Variants in SERPINB8 observed in about 807,000 individuals in gnomAD.
The protein encoded by SERPINB8 is serpin B8.
SERPINB8 carries 25 observed loss-of-function variants against 35.3 expected under a neutral mutation model. The observed-to-expected ratio is 0.71, with a 90% CI of 0.52 to 0.99. SERPINB8 has a LOEUF of 0.99. Ranked by LOEUF, SERPINB8 falls within the 50% of genes least tolerant of loss-of-function variation. The pLI is 0.00. For synonymous variants in SERPINB8, 186 were observed against 160.8 expected (o/e 1.16, Z -1.19); for missense variants, 484 against 446.5 (o/e 1.08, Z -0.76).
At chr18:63,992,901 C>T (rs1373928308), downstream of SERPINB8, among the ~76,000 whole-genome samples, 1 of 152,172 alleles carries the variant, frequency 6.6e-6, no homozygotes, top group Non-Finnish European at 1.5e-5. Flanking sequence ...AGGCTTGTGA[C>T]ACTGCATCCT....
chr18:63,979,458 G>C (rs1399775383), intron 2 of SERPINB8, among the ~76,000 whole-genome samples: 1 of 152,254 alleles, frequency 6.6e-6, no homozygotes, highest in East Asian at 1.9e-4. Flanking sequence ...TCACCTGGTG[G>C]GTGGGAGGTA....
At chr18:63,977,361 C>T (rs571282953) in intron 1 of SERPINB8, among the ~76,000 whole-genome samples, 4 of 151,648 alleles carry the variant, frequency 2.6e-5, no homozygotes, top group Admixed American at 6.6e-5. Context: ...GAGTCTCACT[C>T]TGTTGCCCAG....
chr18:63,997,323 A>G (rs551880443), intron 1 of SERPINB8, among the ~76,000 whole-genome samples: 1 of 152,304 alleles, frequency 6.6e-6, no homozygotes, highest in Non-Finnish European at 1.5e-5. Context: ...GTGGCTTAAG[A>G]GTATTCTCTA....
chr18:64,006,499 C>T (rs55718736), downstream of SERPINB8, among the ~76,000 whole-genome samples: 10,073 of 152,162 alleles, frequency 0.066, 471 homozygotes, highest in Non-Finnish European at 0.11. Context: ...TGGCAGCTGT[C>T]CACAACCCAG....
chr18:63,982,684 C>A (rs754733132), intron 4 of SERPINB8, among the ~76,000 whole-genome samples: 1 of 152,138 alleles, frequency 6.6e-6, no homozygotes, highest in South Asian at 2.1e-4. Flanking sequence ...GTGGTCTTTC[C>A]AGTTGTTCAA....
intron 1 of SERPINB8, among the ~76,000 whole-genome samples, chr18:63,972,609 G>T (rs1479013574): frequency 6.6e-6 from 1 of 152,056 alleles, no homozygotes; most frequent in Non-Finnish European, 1.5e-5. Flanking sequence ...TTTACATTAG[G>T]TATTTCTCCT....
At chr18:63,976,623 G>C (rs72945610) in intron 1 of SERPINB8, among the ~76,000 whole-genome samples, 3 of 152,248 alleles carry the variant, frequency 2.0e-5, no homozygotes, top group Non-Finnish European at 4.4e-5. Context: ...AATGCTTTAA[G>C]AAAAAGGAAG....
At chr18:63,974,708 T>A (rs1599130955) in intron 1 of SERPINB8, among the ~76,000 whole-genome samples, 1 of 138,044 alleles carries the variant, frequency 7.2e-6, no homozygotes, top group East Asian at 2.0e-4. Context: ...GTCCATTTTG[T>A]TTAAAGTTCC....
chr18:63,987,273 C>G lies in SERPINB8; in HGVS notation c.1120C>G (p.Pro374Ala). The change falls in exon 7 of 7, where the codon CCG becomes GCG. Residue 374 changes from proline to alanine, a missense_variant. Pro to Ala is a conservative substitution (Grantham distance 27, BLOSUM62 -1). Transcript: ENST00000397985. ...CTTGTTCTGTGGCAGGTTCTCTTCT[C>G]CGTAAAGAGGAGCAATTGCTGTACA... The part of the protein sequence containing the change: ...CILFCGRFSS[P>A] 4 of 1,610,152 alleles carry G rather than the reference C, an allele frequency of 2.5e-6. No homozygotes were observed. Among genetic ancestry groups the G allele is most frequent in the Non-Finnish European group, 3.4e-6 (4 of 1,177,560 alleles).
chr18:63,970,276 G>A lies in SERPINB8; in HGVS notation c.-11+106G>A, dbSNP rs953655422. ...GCGTGAGAGAGGGGAAGGGAGGAAG[G>A]CCAGAGCAGGAATCAGAGCGAGGCA... On this transcript the variant is annotated intron_variant, in intron 1 of 6. Coordinates refer to ENST00000397985, the MANE Select transcript of SERPINB8 (RefSeq NM_002640.4). The A allele has an allele frequency of 2.3e-5, 4 of 177,108 alleles. No individual in the cohort carries two copies. The South Asian group carries it at 3.7e-4, about 17-fold the overall frequency. 11.0% of individuals were successfully genotyped at this position (177,108 alleles called of 1,614,324 possible).
chr18:63,995,472 T>C (rs2050844770), intron 1 of SERPINB8, among the ~76,000 whole-genome samples: 1 of 152,216 alleles, frequency 6.6e-6, no homozygotes. Context: ...CACCACCTGC[T>C]CTGTCTCTGG....
At chr18:63,973,389 T>A (rs2050525129) in intron 1 of SERPINB8, among the ~76,000 whole-genome samples, 1 of 152,218 alleles carries the variant, frequency 6.6e-6, no homozygotes, top group African/African-American at 2.4e-5. Context: ...TTCTGGATAT[T>A]AGCCCTTTGT....
chr18:64,010,944 C>CATAT (rs10540776), intron 7 of SERPINB8, among the ~76,000 whole-genome samples: 4 of 149,052 alleles, frequency 2.7e-5, no homozygotes, highest in Non-Finnish European at 4.5e-5. Flanking sequence ...TTACTATTAA[C>CATAT]ATATATATAT....
downstream of SERPINB8, among the ~76,000 whole-genome samples, chr18:63,992,973 A>G (rs1160623923): frequency 6.6e-6 from 1 of 152,218 alleles, no homozygotes; most frequent in African/African-American, 2.4e-5. Flanking sequence ...CCAGGGAGTG[A>G]TGACCCTCAG....
chr18:63,986,497 CT>C (rs1219828500), intron 6 of SERPINB8: 2 of 1,349,248 alleles, frequency 1.5e-6, no homozygotes, highest in Non-Finnish European at 1.9e-6. Context: ...TGCTCTTTGT[CT>C]TTTGTCAAAC....
At chr18:64,009,276 C>T (rs1398928602), downstream of SERPINB8, among the ~76,000 whole-genome samples, 1 of 152,156 alleles carries the variant, frequency 6.6e-6, no homozygotes, top group Non-Finnish European at 1.5e-5. Context: ...CCTCACTTGT[C>T]TTATTGATGC....
intron 7 of SERPINB8, among the ~76,000 whole-genome samples, chr18:64,015,984 G>C (rs1469190940): frequency 6.6e-6 from 1 of 152,212 alleles, no homozygotes; most frequent in African/African-American, 2.4e-5. Context: ...AGGGCTCAGT[G>C]GCTCAAGTTG....
At chr18:64,012,912 G>A (rs2050932216) in intron 7 of SERPINB8, among the ~76,000 whole-genome samples, 1 of 152,082 alleles carries the variant, frequency 6.6e-6, no homozygotes, top group Non-Finnish European at 1.5e-5. Context: ...ATGTTGCGCA[G>A]GCAAAGAAGC....
exon 2 of SERPINB8, chr18:64,005,574 C>T (rs937629753): frequency 6.6e-6 from 1 of 152,176 alleles, no homozygotes; most frequent in African/African-American, 2.4e-5. Context: ...AGAGAATAAG[C>T]CCTTACCAGA....
Sources: allele counts gnomAD v4.1 joint callset (sites outside exome capture counted in the v4.1 genomes callset), GRCh38; gene constraint gnomAD v4.1.1; transcripts MANE v1.5; gene names NCBI Gene and HGNC (gene_info 2026-07-23, HGNC 2026-07-21).